The following COMMD1 variants were observed in gnomAD, a reference collection of about 807,000 sequenced individuals.
COMMD1 encodes COMM domain-containing protein 1.
Under a neutral mutation model 17.2 loss-of-function variants are expected in COMMD1, and 10 were observed. That is an observed-to-expected ratio of 0.58 (90% CI 0.36 to 0.99). The LOEUF is 0.99. Among genes scored for constraint, COMMD1 ranks in the 50% least tolerant of loss-of-function variants. The probability of loss-of-function intolerance (pLI) is 0.01; values close to 1 mark genes in which losing one functional copy is unlikely to be tolerated. For synonymous variants in COMMD1, 97 were observed against 91.6 expected (o/e 1.06, Z -0.34); for missense variants, 270 against 231.8 (o/e 1.17, Z -1.07).
In COMMD1 at chr2:62,118,837, T is replaced by C. The variant is rs1374324365; in HGVS notation, c.463-16994T>C. ...TGGTCTGTTGTGTTTTTCTTATTTA[T>C]GGACTAAATACCAGAAATTATTATT... On this transcript the variant is annotated intron_variant, in intron 2 of 2. Transcript: ENST00000311832. 2.6e-5 allele frequency: 4 copies of C among 152,254 alleles called. 1 individual carries two copies. In the South Asian group the frequency reaches 6.2e-4, roughly 24 times the overall value. 9.4% of individuals were successfully genotyped at this position (152,254 alleles called of 1,614,324 possible). A position where few individuals can be genotyped will look rare whatever the true frequency, so the allele number is the denominator to read the frequency against.
rs189758618 is a variant in COMMD1, at chr2:62,037,841, A to C, written c.462+36859A>C. Reference sequence around the variant, plus strand: ...CACTGGATTAGTAGAAAGATCTAGGAGTTAGAAGACTTATGTTCCAGTTTT... The same window carrying C: ...CACTGGATTAGTAGAAAGATCTAGGCGTTAGAAGACTTATGTTCCAGTTTT... On this transcript the variant is annotated intron_variant, in intron 2 of 2. Coordinates refer to ENST00000311832, the MANE Select transcript of COMMD1 (RefSeq NM_152516.4). Among the ~76,000 whole-genome samples the C allele has an allele frequency of 3.7e-3, 570 of 152,364 alleles. 5 individuals carry two copies. Among genetic ancestry groups the C allele is most frequent in the African/African-American group, 0.013 (522 of 41,584 alleles).
At chr2:62,088,683 A>G (rs1671740440) in intron 2 of COMMD1, among the ~76,000 whole-genome samples, 1 of 152,218 alleles carries the variant, frequency 6.6e-6, no homozygotes, top group Non-Finnish European at 1.5e-5. Context: ...TCTGAAATAT[A>G]TACCTGACCA....
At chr2:62,022,231 T>C (rs1170362963) in intron 2 of COMMD1, among the ~76,000 whole-genome samples, 3 of 152,122 alleles carry the variant, frequency 2.0e-5, no homozygotes. Flanking sequence ...GCAGATAGTA[T>C]ACAATCGTAT....
intron 2 of COMMD1, among the ~76,000 whole-genome samples, chr2:62,123,512 TAAAA>T (rs889855618): frequency 4.0e-5 from 3 of 74,608 alleles, no homozygotes; most frequent in African/African-American, 1.2e-4. Flanking sequence ...AAAAAAAAAT[TAAAA>T]AAAAAGAAAA....
intron 1 of COMMD1, among the ~76,000 whole-genome samples, chr2:61,906,952 A>C (rs1441682583): frequency 6.6e-6 from 1 of 152,228 alleles, no homozygotes; most frequent in Non-Finnish European, 1.5e-5. Flanking sequence ...ACAGGATTTG[A>C]ATCCAGAAAA....
At chr2:62,065,077 T>G (rs1573137728) in intron 2 of COMMD1, among the ~76,000 whole-genome samples, 1 of 152,132 alleles carries the variant, frequency 6.6e-6, no homozygotes, top group East Asian at 1.9e-4. Flanking sequence ...TTACAGGTGC[T>G]GAGGCAGGAG....
chr2:62,038,076 G>T (rs927807540), intron 2 of COMMD1, among the ~76,000 whole-genome samples: 11 of 152,128 alleles, frequency 7.2e-5, no homozygotes, highest in Admixed American at 2.0e-4. Flanking sequence ...ATCACCTGAG[G>T]TTAGGAGTTC....
chr2:61,942,540 CTTTT>C (rs759905506), intron 1 of COMMD1, among the ~76,000 whole-genome samples: 1 of 112,292 alleles, frequency 8.9e-6, no homozygotes, highest in Admixed American at 9.4e-5. Flanking sequence ...TGTGCCTGGC[CTTTT>C]TTTTTTTTTT....
chr2:61,920,965 G>GTATA (rs11405052), intron 1 of COMMD1, among the ~76,000 whole-genome samples: 511 of 127,872 alleles, frequency 4.0e-3, no homozygotes, highest in African/African-American at 9.6e-3. Flanking sequence ...ATATATGTGT[G>GTATA]TATATATATA....
chr2:62,080,476 G>T (rs1188798891), intron 2 of COMMD1, among the ~76,000 whole-genome samples: 5 of 152,086 alleles, frequency 3.3e-5, no homozygotes, highest in Non-Finnish European at 5.9e-5. Flanking sequence ...CCATGTTGTG[G>T]TCAGGGGAGA....
At chr2:61,915,327 T>C (rs10179377) in intron 1 of COMMD1, among the ~76,000 whole-genome samples, 1,660 of 152,018 alleles carry the variant, frequency 0.011, 28 homozygotes, top group African/African-American at 0.037. Flanking sequence ...ATCTCTTTTT[T>C]TCTATTCTCT....
At chr2:61,905,616 G>A (rs1669749151), upstream of COMMD1, 3 of 1,454,020 alleles carry the variant, frequency 2.1e-6, no homozygotes. Flanking sequence ...GGCTATTTAG[G>A]CACATCTCGG....
intron 1 of COMMD1, among the ~76,000 whole-genome samples, chr2:61,944,616 C>T (rs979480200): frequency 6.6e-5 from 10 of 152,172 alleles, no homozygotes; most frequent in Non-Finnish European, 1.2e-4. Flanking sequence ...TGCCATTACA[C>T]ATGCCAAGGC....
At chr2:61,997,386 A>G (rs1052782388) in intron 1 of COMMD1, among the ~76,000 whole-genome samples, 1 of 152,120 alleles carries the variant, frequency 6.6e-6, no homozygotes, top group African/African-American at 2.4e-5. Flanking sequence ...TAAAAAAAAA[A>G]AAGACTTTAC....
chr2:62,110,415 A>G (rs1009444370), intron 2 of COMMD1, among the ~76,000 whole-genome samples: 5 of 152,256 alleles, frequency 3.3e-5, no homozygotes, highest in African/African-American at 9.6e-5. Flanking sequence ...ATTGTCTACA[A>G]CTATGCCTGG....
chr2:62,130,270 CTT>C (rs752361308), intron 2 of COMMD1, among the ~76,000 whole-genome samples: 25 of 141,866 alleles, frequency 1.8e-4, no homozygotes, highest in Admixed American at 7.7e-4. Flanking sequence ...CTTTATGTGA[CTT>C]TTTTTTTTTT....
chr2:62,000,955 A>T lies in COMMD1; in HGVS notation c.435A>T (p.Ile145=), dbSNP rs138411696. 637 of 1,613,898 alleles carry T rather than the reference A, an allele frequency of 3.9e-4. 4 individuals are homozygous for T. The African/African-American group carries it at 7.3e-3, about 19-fold the overall frequency. Residue 145 remains isoleucine (I), a synonymous_variant, in exon 2 of 3, where the codon ATA becomes ATT. Coordinates refer to ENST00000311832, the MANE Select transcript of COMMD1 (RefSeq NM_152516.4). Reference sequence around the variant, plus strand: ...AAATACACACACCTGTTGCCATTATAGAGCTGGAATTAGGCAAATATGGAC... The same window carrying T: ...AAATACACACACCTGTTGCCATTATTGAGCTGGAATTAGGCAAATATGGAC... ...SAQIHTPVAI[I]ELELGKYGQE... is the part of the protein sequence containing the mutation.
intron 1 of COMMD1, among the ~76,000 whole-genome samples, chr2:61,936,751 GTATTTA>G (rs1206785712): frequency 1.3e-5 from 2 of 152,128 alleles, no homozygotes; most frequent in Admixed American, 1.3e-4. Flanking sequence ...AGTTTTTGGA[GTATTTA>G]TATTAATAAC....
At chr2:62,042,430 T>TC (rs752006611) in intron 2 of COMMD1, among the ~76,000 whole-genome samples, 5 of 152,242 alleles carry the variant, frequency 3.3e-5, no homozygotes, top group Non-Finnish European at 5.9e-5. Context: ...AATGGCACTC[T>TC]CCGGGGGACT....
Sources: allele counts gnomAD v4.1 joint callset (sites outside exome capture counted in the v4.1 genomes callset), GRCh38; gene constraint gnomAD v4.1.1; transcripts MANE v1.5; gene names NCBI Gene and HGNC (gene_info 2026-07-23, HGNC 2026-07-21).